TNRC6B: variants seen among roughly 807,000 people sequenced by gnomAD.
The protein encoded by TNRC6B is trinucleotide repeat-containing gene 6B protein.
A neutral mutation model predicts 203.6 loss-of-function variants in TNRC6B; 52 were observed. The observed-to-expected ratio is 0.26, with a 90% CI of 0.20 to 0.32. The LOEUF (loss-of-function observed/expected upper bound fraction) is 0.32, where lower values mean the gene tolerates loss of function less well. Ranked by LOEUF, TNRC6B falls within the 10% of genes least tolerant of loss-of-function variation. TNRC6B has a pLI of 1.00. For missense variants in TNRC6B, 1,923 were observed against 2,286.2 expected, an observed-to-expected ratio of 0.84 and a Z score of 3.24; for synonymous variants, 838 against 845.7, an observed-to-expected ratio of 0.99 and a Z score of 0.16.
In TNRC6B at chr22:40,261,997, G is replaced by A; in HGVS notation, c.281G>A (p.Arg94Gln). 1 of 1,610,168 alleles carries A rather than the reference G, an allele frequency of 6.2e-7. No individual in the cohort carries two copies. Among genetic ancestry groups the A allele is most frequent in the Non-Finnish European group, 8.5e-7 (1 of 1,177,604 alleles). ...ARYMPREVPPRFRCQQDHKVL... is the reference protein window; with the variant it reads ...ARYMPREVPPQFRCQQDHKVL... ...TACATGCCTCGGGAGGTGCCGCCGC[G>A]ATTCCGTTGCCAGCAGGACCACAAA... Residue 94 changes from arginine to glutamine, a missense_variant, in exon 4 of 23, where the codon CGA becomes CAA. Arg to Gln is a conservative substitution (Grantham distance 43, BLOSUM62 1). Transcript: ENST00000454349.
intron 16 of TNRC6B, among the ~76,000 whole-genome samples, chr22:40,309,186 T>C (rs2071137696): frequency 6.6e-6 from 1 of 152,242 alleles, no homozygotes; most frequent in Non-Finnish European, 1.5e-5. Context: ...TGGTCGGCTT[T>C]TCCTCTCAGT....
At chr22:40,086,764 A>G (rs1299506564) in intron 1 of TNRC6B, among the ~76,000 whole-genome samples, 2 of 152,216 alleles carry the variant, frequency 1.3e-5, no homozygotes, top group African/African-American at 4.8e-5. Flanking sequence ...GAAAAAGGAA[A>G]ACAAAGGTTT....
intron 1 of TNRC6B, among the ~76,000 whole-genome samples, chr22:40,206,338 T>G (rs182603968): frequency 1.3e-5 from 2 of 152,232 alleles, no homozygotes; most frequent in East Asian, 3.9e-4. Context: ...TTTTTAAAAG[T>G]ATACCATTAT....
intron 3 of TNRC6B, among the ~76,000 whole-genome samples, chr22:40,133,456 A>C (rs1196266625): frequency 6.6e-6 from 1 of 152,120 alleles, no homozygotes; most frequent in Non-Finnish European, 1.5e-5. Context: ...CTTTTAACCT[A>C]GTTGAGGGAG....
In TNRC6B at chr22:40,318,282, T is replaced by C. The variant is rs192785856; in HGVS notation, c.4974+2270T>C. The stretch of plus-strand genomic sequence containing the variant: ...CCAAGTTACGGCCGGGCACGGTGGC[T>C]CACACCTGTAATCCCAGCACTTTGG... On this transcript the variant is annotated intron_variant, in intron 21 of 22. Transcript: ENST00000454349. Among the ~76,000 whole-genome samples the C allele has an allele frequency of 3.5e-3, 526 of 152,296 alleles. 2 individuals carry two copies. Among genetic ancestry groups the C allele is most frequent in the Non-Finnish European group, 5.5e-3 (371 of 68,028 alleles).
intron 3 of TNRC6B, among the ~76,000 whole-genome samples, chr22:40,127,623 G>A (rs774986312): frequency 1.3e-5 from 2 of 152,162 alleles, no homozygotes; most frequent in Admixed American, 6.5e-5. Flanking sequence ...TGCAATCCCA[G>A]CACTTTGGGA....
chr22:40,128,827 A>G (rs950763284), intron 3 of TNRC6B, among the ~76,000 whole-genome samples: 1 of 152,128 alleles, frequency 6.6e-6, no homozygotes, highest in Non-Finnish European at 1.5e-5. Flanking sequence ...CTGGCCTTCA[A>G]TAAATAATTA....
At chr22:40,089,113 T>C (rs2068126066) in intron 1 of TNRC6B, among the ~76,000 whole-genome samples, 1 of 152,214 alleles carries the variant, frequency 6.6e-6, no homozygotes, top group Non-Finnish European at 1.5e-5. Context: ...TGAGTAATTA[T>C]GTGGTACTTT....
At chr22:40,299,428 G>A (rs1044579615) in intron 12 of TNRC6B, among the ~76,000 whole-genome samples, 1 of 152,042 alleles carries the variant, frequency 6.6e-6, no homozygotes, top group East Asian at 1.9e-4. Flanking sequence ...TAGTAGAGAC[G>A]GGGTTTCTGC....
intron 1 of TNRC6B, among the ~76,000 whole-genome samples, chr22:40,066,700 T>C (rs1411599891): frequency 6.6e-6 from 1 of 152,128 alleles, no homozygotes; most frequent in Non-Finnish European, 1.5e-5. Context: ...AAAATAACTT[T>C]AGTTTGAATG....
chr22:40,176,492 C>T (rs1040483822), upstream of TNRC6B, among the ~76,000 whole-genome samples: 1 of 152,012 alleles, frequency 6.6e-6, no homozygotes, highest in East Asian at 1.9e-4. Flanking sequence ...TAGATGAATG[C>T]GAGTTTCTGG....
At chr22:40,231,053 C>CTA (rs527765934) in intron 1 of TNRC6B, among the ~76,000 whole-genome samples, 2,613 of 148,068 alleles carry the variant, frequency 0.018, 59 homozygotes, top group African/African-American at 0.059. Flanking sequence ...CTCTCTCTCT[C>CTA]TATATATATA....
At chr22:40,234,404 A>T (rs186371327) in intron 1 of TNRC6B, among the ~76,000 whole-genome samples, 2 of 152,242 alleles carry the variant, frequency 1.3e-5, no homozygotes, top group Non-Finnish European at 2.9e-5. Flanking sequence ...CTACAATTCT[A>T]TATTTTCTTG....
Position 40,332,860 on chromosome 22 carries a change from G to A in TNRC6B, c.*9619G>A, listed in dbSNP as rs1332134235. 1 of 152,632 alleles carries A rather than the reference G, an allele frequency of 6.6e-6. No individual in the cohort carries two copies. The highest frequency in any genetic ancestry group is 1.5e-5 in the Non-Finnish European group (1 of 68,026). 9.5% of individuals were successfully genotyped at this position (152,632 alleles called of 1,614,324 possible). ...AAAAAACATTTTCTTTGCTGTGAAA[G>A]TAACCCTAAAATATGTTTTCTTCTT... On this transcript the variant is annotated 3_prime_UTR_variant, in exon 23 of 23. Coordinates refer to ENST00000454349, the MANE Select transcript of TNRC6B (RefSeq NM_001162501.2).
intron 1 of TNRC6B, among the ~76,000 whole-genome samples, chr22:40,049,989 T>C (rs2067731837): frequency 6.6e-6 from 1 of 152,178 alleles, no homozygotes; most frequent in African/African-American, 2.4e-5. Flanking sequence ...ATCGTTAGTT[T>C]CTATTAATTA....
In TNRC6B at chr22:40,227,768, C is replaced by T. The variant is rs866935136; in HGVS notation, c.6-18247C>T. ...TTTCAATAGAAAAGAAAAACTGTGTCGAACCATATGTGGAGGAAAGCAGAT... is the reference window on the plus strand; with the variant it reads ...TTTCAATAGAAAAGAAAAACTGTGTTGAACCATATGTGGAGGAAAGCAGAT... On this transcript the variant is annotated intron_variant, in intron 1 of 22. Coordinates refer to ENST00000454349, the MANE Select transcript of TNRC6B (RefSeq NM_001162501.2). 3.3e-5 allele frequency among the ~76,000 whole-genome samples: 5 copies of T among 152,090 alleles called. No homozygotes were observed. The South Asian group carries it at 6.2e-4, about 19-fold the overall frequency.
At chr22:40,202,472 G>T (rs147690341) in intron 1 of TNRC6B, among the ~76,000 whole-genome samples, 2 of 152,026 alleles carry the variant, frequency 1.3e-5, no homozygotes, top group African/African-American at 4.8e-5. Flanking sequence ...ATATATAAAC[G>T]CATGTAGGAC....
chr22:40,279,954 T>A, intron 9 of TNRC6B, 41 bp from the exon 10 acceptor site: 1 of 1,607,458 alleles, frequency 6.2e-7, no homozygotes, highest in Non-Finnish European at 8.5e-7. Flanking sequence ...GGGGGAAACA[T>A]TGATTCTGGA....
At chr22:40,102,844 T>C (rs1372846500) in intron 1 of TNRC6B, among the ~76,000 whole-genome samples, 2 of 152,098 alleles carry the variant, frequency 1.3e-5, no homozygotes, top group Non-Finnish European at 2.9e-5. Flanking sequence ...TTTGGGAGGC[T>C]GAGGCCGGTG....
Sources: gnomAD v4.1 joint callset for allele counts (sites outside exome capture counted in the v4.1 genomes callset) on GRCh38, gnomAD v4.1.1 for gene constraint, MANE v1.5 for transcripts, NCBI Gene and HGNC (gene_info 2026-07-23, HGNC 2026-07-21) for gene names.